TUBGCP5: variants seen among roughly 807,000 people sequenced by gnomAD.
TUBGCP5 encodes gamma-tubulin complex component 5.
In TUBGCP5, 98 loss-of-function variants were observed where a neutral mutation model predicts 134.7. The ratio of observed to expected loss-of-function variants is 0.73; its 90% CI spans 0.62 to 0.86. The LOEUF is 0.86. Among genes scored for constraint, TUBGCP5 ranks in the 40% least tolerant of loss-of-function variants. TUBGCP5 has a pLI of 0.00. For synonymous variants in TUBGCP5, 456 were observed against 431.4 expected, an observed-to-expected ratio of 1.06 and a Z score of -0.71; for missense variants, 1,150 against 1,244.8, an observed-to-expected ratio of 0.92 and a Z score of 1.15.
rs1160258508 is a variant in TUBGCP5 at position 23,036,905 on chromosome 15, C to T, written c.301G>A (p.Glu101Lys). The change falls in exon 3 of 23, where the codon GAA becomes AAA. Residue 101 changes from glutamate to lysine, a missense_variant. Glu to Lys is a moderately conservative substitution (Grantham distance 56). This residue lies in a region of TUBGCP5 where 453 missense variants were observed against 394.7 expected (regional missense o/e 1.15). Transcript: ENST00000615383. ...CATAATTGAAGGCATACCTTTATTT[C>T]CTTTATACTGGGAAGTGGTGCATTT... ...FLNAPLPSIKEIKTDAHYSIL... is the reference protein window; with the variant it reads ...FLNAPLPSIKKIKTDAHYSIL... 2 of 1,598,768 alleles carry T rather than the reference C, an allele frequency of 1.3e-6. No individual in the cohort carries two copies. Among genetic ancestry groups the T allele is most frequent in the Non-Finnish European group, 1.7e-6 (2 of 1,167,678 alleles).
At chr15:22,986,876 T>G (rs905926740) in intron 23 of TUBGCP5, among the ~76,000 whole-genome samples, 1 of 152,128 alleles carries the variant, frequency 6.6e-6, no homozygotes, top group African/African-American at 2.4e-5. Flanking sequence ...TGCATCTTTG[T>G]CAGGCTGATA....
chr15:23,032,100 A>G (rs2066344482), intron 4 of TUBGCP5, 71 bp from the exon 5 acceptor site: 1 of 1,086,676 alleles, frequency 9.2e-7, no homozygotes, highest in African/African-American at 1.6e-5. Flanking sequence ...AAAACTAAGG[A>G]AAAAAGACTA....
In TUBGCP5 at chr15:23,019,519, C is replaced by T. The variant is rs537185788; in HGVS notation, c.1372-185G>A. ...CCTTATGAAAAACTCACCTAAATGCCGGGCGTGGTGGCTCACGCCTGTGAT... is the reference window on the plus strand; with the variant it reads ...CCTTATGAAAAACTCACCTAAATGCTGGGCGTGGTGGCTCACGCCTGTGAT... On this transcript the variant is annotated intron_variant, in intron 11 of 22. Transcript: ENST00000615383. 45 of 572,568 alleles carry T rather than the reference C, an allele frequency of 7.9e-5. 1 individual carries two copies. The highest frequency in any genetic ancestry group is 1.2e-4 in the Non-Finnish European group (38 of 320,754). The allele number at this position is 572,568 out of a possible 1,614,324, so 35.5% of individuals were successfully genotyped here.
At chr15:22,999,965 C>T in intron 22 of TUBGCP5, 99 bp from the exon 23 acceptor site, 1 of 1,082,446 alleles carries the variant, frequency 9.2e-7, no homozygotes, top group Non-Finnish European at 1.4e-6. Flanking sequence ...GGCTGGAGTG[C>T]AATGGTACAA....
intron 13 of TUBGCP5, among the ~76,000 whole-genome samples, chr15:23,015,847 C>T (rs1161889117): frequency 6.6e-6 from 1 of 152,106 alleles, no homozygotes; most frequent in Non-Finnish European, 1.5e-5. Flanking sequence ...CACTCCAAGA[C>T]CCATTCATAT....
chr15:22,987,794 G>A (rs1473778849), intron 23 of TUBGCP5, among the ~76,000 whole-genome samples: 1 of 150,392 alleles, frequency 6.6e-6, no homozygotes, highest in East Asian at 2.0e-4. Context: ...TACTCGGGAA[G>A]CTGAGGTGGG....
intron 23 of TUBGCP5, among the ~76,000 whole-genome samples, chr15:22,986,372 C>T (rs1055460752): frequency 6.6e-6 from 1 of 151,844 alleles, no homozygotes; most frequent in African/African-American, 2.4e-5. Context: ...CACAAAAGAC[C>T]ATGTACATAT....
rs1205186544 is a variant in TUBGCP5, at chr15:22,999,588, A to C, written c.*232T>G. 3.7e-6 allele frequency: 2 copies of C among 535,760 alleles called. No homozygotes were observed. The highest frequency in any genetic ancestry group is 6.7e-6 in the Non-Finnish European group (2 of 297,526). 33.2% of individuals were successfully genotyped at this position (535,760 alleles called of 1,614,324 possible). ...GATACATTTTGTATTTTTGGTAGACACCGGGTTTCACCATGTTGCCCAGGC... is the reference window on the plus strand; with the variant it reads ...GATACATTTTGTATTTTTGGTAGACCCCGGGTTTCACCATGTTGCCCAGGC... On this transcript the variant is annotated 3_prime_UTR_variant, in exon 23 of 23. Coordinates refer to ENST00000615383, the MANE Select transcript of TUBGCP5 (RefSeq NM_052903.6).
downstream of TUBGCP5, among the ~76,000 whole-genome samples, chr15:22,996,348 A>T (rs1268979417): frequency 3.3e-5 from 5 of 151,796 alleles, no homozygotes; most frequent in East Asian, 3.9e-4. Flanking sequence ...TGTGCTCATT[A>T]AAAAAAATGT....
rs1021310197 is a variant in TUBGCP5 at position 23,038,008 on chromosome 15, C to T, written c.147-856G>A. Among the ~76,000 whole-genome samples, 5 of 152,188 alleles carry T rather than the reference C, an allele frequency of 3.3e-5. No individual in the cohort carries two copies. The East Asian group carries it at 7.7e-4, about 23-fold the overall frequency. ...CTCGATCTCCTGACCTCGTGATCCA[C>T]CCACCTCGGCCTCCTAAAGTGCTGG... On this transcript the variant is annotated intron_variant, in intron 1 of 22. Coordinates refer to ENST00000615383, the MANE Select transcript of TUBGCP5 (RefSeq NM_052903.6).
chr15:23,027,284 C>A lies in TUBGCP5; in HGVS notation c.645G>T (p.Trp215Cys). Residue 215 changes from tryptophan to cysteine, a missense_variant, in exon 7 of 23, where the codon TGG becomes TGT. By Grantham distance (215) the Trp-to-Cys change is radical (BLOSUM62 -2). This residue lies in a region of TUBGCP5 where 453 missense variants were observed against 394.7 expected (regional missense o/e 1.15). Transcript: ENST00000615383. ...SWKDEPDDRS[W>C]LEHHVVHQYW... Reference sequence around the variant, plus strand: ...ACTGATGGACCACATGATGTTCCAGCCAGCTTCGGTCATCTGGCTCATCTG... The same window carrying A: ...ACTGATGGACCACATGATGTTCCAGACAGCTTCGGTCATCTGGCTCATCTG... 1 of 1,613,844 alleles carries A rather than the reference C, an allele frequency of 6.2e-7. No individual in the cohort carries two copies. Among genetic ancestry groups the A allele is most frequent in the Non-Finnish European group, 8.5e-7 (1 of 1,179,912 alleles).
chr15:22,999,727 C>G lies in TUBGCP5; in HGVS notation c.*93G>C. ...ACTGTGGACAAGTTTTACAAATAAA[C>G]CAAAATAAAAATATTTTCACTTTTC... On this transcript the variant is annotated 3_prime_UTR_variant, in exon 23 of 23. Coordinates refer to ENST00000615383, the MANE Select transcript of TUBGCP5 (RefSeq NM_052903.6). The G allele has an allele frequency of 6.9e-7, 1 of 1,445,656 alleles. No homozygotes were observed. The highest frequency in any genetic ancestry group is 9.7e-7 in the Non-Finnish European group (1 of 1,032,670). 89.6% of individuals were successfully genotyped at this position (1,445,656 alleles called of 1,614,324 possible).
chr15:23,036,341 T>A (rs1362730761), intron 3 of TUBGCP5, among the ~76,000 whole-genome samples: 1 of 152,220 alleles, frequency 6.6e-6, no homozygotes, highest in African/African-American at 2.4e-5. Flanking sequence ...GTGACTCCAC[T>A]AGGAAGGAAC....
chr15:22,998,810 T>C (rs1004348571), downstream of TUBGCP5, among the ~76,000 whole-genome samples: 9 of 151,732 alleles, frequency 5.9e-5, no homozygotes, highest in Non-Finnish European at 1.2e-4. Flanking sequence ...AGAGACGGGG[T>C]TTCACCACAT....
chr15:23,027,585 C>A (rs2066050260), intron 6 of TUBGCP5, among the ~76,000 whole-genome samples: 1 of 151,586 alleles, frequency 6.6e-6, no homozygotes, highest in Non-Finnish European at 1.5e-5. Context: ...GACCCCCCAT[C>A]TCCACAAAAA....
intron 21 of TUBGCP5, among the ~76,000 whole-genome samples, chr15:23,002,203 G>A (rs35248560): frequency 0.088 from 13,302 of 151,734 alleles, 1,056 homozygotes; most frequent in East Asian, 0.46. Flanking sequence ...AATATAAAGC[G>A]AGGAAGACTT....
intron 6 of TUBGCP5, among the ~76,000 whole-genome samples, chr15:23,027,921 ACCTT>A (rs2066073719): frequency 6.6e-6 from 1 of 152,128 alleles, no homozygotes; most frequent in South Asian, 2.1e-4. Flanking sequence ...GTAACTGAAG[ACCTT>A]CCCAACCACT....
At chr15:23,036,609 T>G (rs2066601564) in intron 3 of TUBGCP5, among the ~76,000 whole-genome samples, 1 of 152,042 alleles carries the variant, frequency 6.6e-6, no homozygotes, top group South Asian at 2.1e-4. Context: ...TGAGAAACCA[T>G]TTGAAAGTTT....
At chr15:23,027,546 GT>G (rs1395371423) in intron 6 of TUBGCP5, among the ~76,000 whole-genome samples, 4 of 151,924 alleles carry the variant, frequency 2.6e-5, no homozygotes. Context: ...GAATCCAGGA[GT>G]TCAAGACCAG....
Sources: gnomAD v4.1 joint callset for allele counts (sites outside exome capture counted in the v4.1 genomes callset) on GRCh38, gnomAD v4.1.1 for gene constraint, gnomAD v4.1.1 regional missense constraint, MANE v1.5 for transcripts, NCBI Gene and HGNC (gene_info 2026-07-23, HGNC 2026-07-21) for gene names.